Variants in GABBR2 observed in about 807,000 individuals in gnomAD.
GABBR2 encodes the protein gamma-aminobutyric acid type B receptor subunit 2, also known as G-protein coupled receptor 51.
Under a neutral mutation model 105.6 loss-of-function variants are expected in GABBR2, and 23 were observed. That is an observed-to-expected ratio of 0.22 (90% CI 0.16 to 0.31). GABBR2 has a LOEUF of 0.31. Among genes scored for constraint, GABBR2 ranks in the 10% least tolerant of loss-of-function variants. The probability of loss-of-function intolerance (pLI) is 1.00; values close to 1 mark genes in which losing one functional copy is unlikely to be tolerated. For synonymous variants in GABBR2, 478 were observed against 499.7 expected (o/e 0.96, Z 0.58); for missense variants, 734 against 1,245.5 (o/e 0.59, Z 6.18).
chr9:98,656,129 A>C (rs1054794913), intron 1 of GABBR2, among the ~76,000 whole-genome samples: 38 of 152,178 alleles, frequency 2.5e-4, no homozygotes, highest in African/African-American at 9.2e-4. Flanking sequence ...GTACAGGGAG[A>C]TAATTAGTAG....
At chr9:98,519,182 C>T (rs954559843) in intron 3 of GABBR2, among the ~76,000 whole-genome samples, 1 of 152,210 alleles carries the variant, frequency 6.6e-6, no homozygotes, top group South Asian at 2.1e-4. Context: ...GTCTGAGCCC[C>T]TGTCAGATTT....
intron 3 of GABBR2, among the ~76,000 whole-genome samples, chr9:98,507,696 T>C (rs1827541892): frequency 6.6e-6 from 1 of 152,208 alleles, no homozygotes; most frequent in Non-Finnish European, 1.5e-5. Context: ...CCTTCCCTTG[T>C]TCCCAGGCTA....
chr9:98,413,084 A>G (rs1262157751), intron 7 of GABBR2, among the ~76,000 whole-genome samples: 1 of 152,178 alleles, frequency 6.6e-6, no homozygotes, highest in Admixed American at 6.5e-5. Context: ...TTTCCAGTGA[A>G]CCTTCAGACA....
intron 7 of GABBR2, among the ~76,000 whole-genome samples, chr9:98,453,316 A>G (rs1253515052): frequency 1.3e-5 from 2 of 152,252 alleles, no homozygotes; most frequent in African/African-American, 2.4e-5. Flanking sequence ...GTGAGCCACC[A>G]TGCCCGGCCT....
At chr9:98,492,349 T>TTAAAAAAAAAAAAAAAAAAAAA (rs752135873) in intron 4 of GABBR2, among the ~76,000 whole-genome samples, 16 of 29,218 alleles carry the variant, frequency 5.5e-4, no homozygotes, top group Non-Finnish European at 1.3e-3. Context: ...TGTTTCCTAG[T>TTAAAAAAAAAAAAAAAAAAAAA]AAAAAAAAAA....
At chr9:98,653,865 T>C (rs1262858003) in intron 1 of GABBR2, among the ~76,000 whole-genome samples, 1 of 152,230 alleles carries the variant, frequency 6.6e-6, no homozygotes, top group Non-Finnish European at 1.5e-5. Flanking sequence ...TGGATGCATG[T>C]AGTATGCCAG....
At chr9:98,511,295 A>C (rs913623643) in intron 3 of GABBR2, among the ~76,000 whole-genome samples, 12 of 150,900 alleles carry the variant, frequency 8.0e-5, no homozygotes, top group African/African-American at 2.9e-4. Context: ...TGCCCACAAG[A>C]GAAAGCAGGA....
Position 98,497,178 on chromosome 9 carries a change from G to C in GABBR2, c.631-664C>G, listed in dbSNP as rs556787572. Among the ~76,000 whole-genome samples the C allele has an allele frequency of 3.3e-5, 5 of 152,172 alleles. No individual in the cohort carries two copies. In the South Asian group the frequency reaches 1.0e-3, roughly 31 times the overall value. ...GAGCTTTGGGAGGCCAAGACGGGGG[G>C]CTTGCTTGAGCCCAGGAGTTCAAGA... is the stretch of plus-strand genomic sequence containing the variant. On this transcript the variant is annotated intron_variant, in intron 3 of 18. Transcript: ENST00000259455.
chr9:98,483,167 G>T (rs1348417837), intron 4 of GABBR2, among the ~76,000 whole-genome samples: 1 of 152,042 alleles, frequency 6.6e-6, no homozygotes, highest in Non-Finnish European at 1.5e-5. Context: ...TTCTGACAAT[G>T]TCAGGAACTT....
At position 98,342,831 on chromosome 9, in the gene GABBR2, C is replaced by A. The variant is rs754715760; in HGVS notation, c.1893+19884G>T. On this transcript the variant is annotated intron_variant, in intron 13 of 18. Transcript: ENST00000259455. ...CCCTGGTCTCCAGCACTTCCCCCAC[C>A]CAGGCCATTACAATGTCTCTTTATT... Among the ~76,000 whole-genome samples, 6 of 152,346 alleles carry A rather than the reference C, an allele frequency of 3.9e-5. No homozygotes were observed. In the South Asian group the frequency reaches 1.2e-3, roughly 32 times the overall value.
At chr9:98,339,749 G>C (rs1831177204) in intron 13 of GABBR2, among the ~76,000 whole-genome samples, 1 of 152,132 alleles carries the variant, frequency 6.6e-6, no homozygotes, top group African/African-American at 2.4e-5. Flanking sequence ...TTCAGATGTT[G>C]AGGATATAGC....
chr9:98,587,132 A>G (rs1829089285), intron 1 of GABBR2, among the ~76,000 whole-genome samples: 1 of 152,118 alleles, frequency 6.6e-6, no homozygotes, highest in Admixed American at 6.5e-5. Context: ...TTCAATTTGT[A>G]TGTTCCTGAT....
chr9:98,298,905 G>A (rs575274897), intron 17 of GABBR2, among the ~76,000 whole-genome samples: 31 of 152,254 alleles, frequency 2.0e-4, no homozygotes, highest in African/African-American at 6.7e-4. Context: ...TAAACTATTC[G>A]CTAAGAACAA....
chr9:98,514,102 T>C (rs7390604), intron 3 of GABBR2, among the ~76,000 whole-genome samples: 6,705 of 113,482 alleles, frequency 0.059, 333 homozygotes, highest in Non-Finnish European at 0.085. Context: ...ATGTCCTTTG[T>C]AGGGACATGG....
In GABBR2 at chr9:98,682,110, C is replaced by G. The variant is rs111960370; in HGVS notation, c.321+26307G>C. On this transcript the variant is annotated intron_variant, in intron 1 of 18. Transcript: ENST00000259455. ...GGCATGGTGGCCCGCACCTGTAGTCCCAGCTACTCGGAAGGCTGAGGCAGG... is the reference window on the plus strand; with the variant it reads ...GGCATGGTGGCCCGCACCTGTAGTCGCAGCTACTCGGAAGGCTGAGGCAGG... Among the ~76,000 whole-genome samples, 284 of 151,820 alleles carry G rather than the reference C, an allele frequency of 1.9e-3. 1 individual carries two copies. The highest frequency in any genetic ancestry group is 3.4e-3 in the Middle Eastern group (1 of 292).
chr9:98,561,314 G>T (rs536402481), intron 2 of GABBR2, among the ~76,000 whole-genome samples: 1 of 151,154 alleles, frequency 6.6e-6, no homozygotes, highest in African/African-American at 2.4e-5. Flanking sequence ...AACCGTGAAG[G>T]AATGAACCCC....
At chr9:98,601,825 G>A (rs915773660) in intron 1 of GABBR2, among the ~76,000 whole-genome samples, 1 of 152,178 alleles carries the variant, frequency 6.6e-6, no homozygotes, top group Admixed American at 6.5e-5. Context: ...GTGACTTTCA[G>A]GTGGGCACTG....
chr9:98,577,228 A>ATGGATGGATGGATGGATG (rs769775744), intron 2 of GABBR2, among the ~76,000 whole-genome samples: 19 of 151,116 alleles, frequency 1.3e-4, no homozygotes, highest in East Asian at 5.9e-4. Flanking sequence ...GGATGGATGG[A>ATGGATGGATGGATGGATG]GCAAAAAAGT....
chr9:98,597,297 CA>C (rs1177690023), intron 1 of GABBR2, among the ~76,000 whole-genome samples: 4 of 152,190 alleles, frequency 2.6e-5, no homozygotes, highest in Non-Finnish European at 5.9e-5. Flanking sequence ...TTTGTGATCA[CA>C]AACAACATGC....
Sources: gnomAD v4.1 joint callset for allele counts (sites outside exome capture counted in the v4.1 genomes callset) on GRCh38, gnomAD v4.1.1 for gene constraint, MANE v1.5 for transcripts, NCBI Gene and HGNC (gene_info 2026-07-23, HGNC 2026-07-21) for gene names.